Variants in CDH13 observed in about 807,000 individuals in gnomAD.
CDH13 encodes cadherin 13.
In CDH13, 24 loss-of-function variants were observed where a neutral mutation model predicts 63.8. The observed-to-expected ratio is 0.38, with a 90% confidence interval of 0.27 to 0.53. The LOEUF (loss-of-function observed/expected upper bound fraction) is 0.53. CDH13 is among the 20% of genes least tolerant of loss of function. The probability of loss-of-function intolerance (pLI) is 0.85; values close to 1 mark genes in which losing one functional copy is unlikely to be tolerated. For missense variants in CDH13, 1,049 were observed against 903.1 expected, an observed-to-expected ratio of 1.16 and a Z score of -2.07; for synonymous variants, 503 against 355.3, an observed-to-expected ratio of 1.42 and a Z score of -4.67.
chr16:83,509,449 T>A (rs1211152424), intron 7 of CDH13, among the ~76,000 whole-genome samples: 1 of 152,228 alleles, frequency 6.6e-6, no homozygotes, highest in Non-Finnish European at 1.5e-5. Context: ...AGCTTTACTT[T>A]TTTGTAGCAC....
chr16:83,585,832 A>G (rs1031182905), intron 7 of CDH13, among the ~76,000 whole-genome samples: 5 of 152,152 alleles, frequency 3.3e-5, no homozygotes, highest in African/African-American at 4.8e-5. Flanking sequence ...ACTAGTACCA[A>G]CAGGGGTTTT....
intron 5 of CDH13, among the ~76,000 whole-genome samples, chr16:83,271,437 AAAAAAAAAAAAAAAATT>A (rs1243899440): frequency 7.3e-6 from 1 of 136,664 alleles, no homozygotes; most frequent in African/African-American, 2.7e-5. Context: ...AAAAAAAAAA[AAAAAAAAAAAAAAAATT>A]CATGGTTGCT....
At chr16:82,753,448 A>G (rs8056064) in intron 1 of CDH13, among the ~76,000 whole-genome samples, 25,099 of 151,886 alleles carry the variant, frequency 0.17, 2,424 homozygotes, top group East Asian at 0.46. Flanking sequence ...TATAATGACA[A>G]CTCCTAAATC....
intron 10 of CDH13, among the ~76,000 whole-genome samples, chr16:83,747,815 G>T (rs1331452250): frequency 1.3e-5 from 2 of 150,628 alleles, no homozygotes; most frequent in African/African-American, 2.5e-5. Flanking sequence ...CAGGATTTGG[G>T]CTGTGAATTC....
chr16:83,223,835 G>T (rs1217593817), intron 5 of CDH13, among the ~76,000 whole-genome samples: 1 of 152,192 alleles, frequency 6.6e-6, no homozygotes, highest in East Asian at 1.9e-4. Flanking sequence ...TGACATGAGT[G>T]CAATTTTTTT....
chr16:83,443,735 A>AAAT (rs2072565933), intron 6 of CDH13, among the ~76,000 whole-genome samples: 2 of 20,138 alleles, frequency 9.9e-5, no homozygotes, highest in Admixed American at 7.7e-4. Flanking sequence ...AAAAAAAAAA[A>AAAT]ATATATATAT....
intron 1 of CDH13, among the ~76,000 whole-genome samples, chr16:82,786,821 A>G (rs2036039704): frequency 6.6e-6 from 1 of 152,058 alleles, no homozygotes; most frequent in Non-Finnish European, 1.5e-5. Flanking sequence ...ATGTCCCTAC[A>G]AAGGTCATGA....
intron 2 of CDH13, among the ~76,000 whole-genome samples, chr16:82,977,884 A>T (rs1909741364): frequency 6.6e-6 from 1 of 152,218 alleles, no homozygotes; most frequent in Admixed American, 6.5e-5. Flanking sequence ...AGACAGGAAG[A>T]TGTGGGAGTT....
chr16:83,381,566 A>G (rs919064688), intron 6 of CDH13, among the ~76,000 whole-genome samples: 4 of 151,860 alleles, frequency 2.6e-5, no homozygotes, highest in African/African-American at 7.3e-5. Context: ...TCTCTTCCCA[A>G]TTATTAAGCA....
chr16:83,448,025 GT>G (rs2072763433), intron 6 of CDH13, among the ~76,000 whole-genome samples: 1 of 152,150 alleles, frequency 6.6e-6, no homozygotes, highest in Admixed American at 6.5e-5. Context: ...CCTGGAGCAG[GT>G]ACTTCCAAGG....
chr16:82,929,651 CAAAAAAAAAAAA>C (rs71146097), intron 2 of CDH13, among the ~76,000 whole-genome samples: 20,376 of 43,940 alleles, frequency 0.46, 2,243 homozygotes, highest in Non-Finnish European at 0.49. Context: ...GACTCCATCT[CAAAAAAAAAAAA>C]AAAAAAAAAA....
chr16:82,840,274 C>T (rs2038949528), intron 1 of CDH13, among the ~76,000 whole-genome samples: 1 of 151,174 alleles, frequency 6.6e-6, no homozygotes, highest in African/African-American at 2.4e-5. Flanking sequence ...CTGAGGAGGG[C>T]GATGTCCTTA....
At chr16:83,207,157 T>G (rs1047528142) in intron 4 of CDH13, among the ~76,000 whole-genome samples, 1 of 152,220 alleles carries the variant, frequency 6.6e-6, no homozygotes, top group Non-Finnish European at 1.5e-5. Flanking sequence ...TACATCCACA[T>G]TATTGTGCAA....
chr16:83,772,141 TA>T (rs1914800920), intron 11 of CDH13, among the ~76,000 whole-genome samples: 1 of 152,138 alleles, frequency 6.6e-6, no homozygotes, highest in Admixed American at 6.5e-5. Context: ...TGTATACAAA[TA>T]GACTCAATAT....
At chr16:83,328,598 G>C (rs2090419491) in intron 5 of CDH13, among the ~76,000 whole-genome samples, 1 of 152,132 alleles carries the variant, frequency 6.6e-6, no homozygotes. Flanking sequence ...TACTAAGCTG[G>C]GTAAGAGATG....
intron 2 of CDH13, among the ~76,000 whole-genome samples, chr16:82,866,054 A>G (rs994556800): frequency 1.3e-5 from 2 of 152,196 alleles, no homozygotes; most frequent in Admixed American, 6.5e-5. Flanking sequence ...AAATGCCGCC[A>G]GTCTCTTTGC....
intron 2 of CDH13, among the ~76,000 whole-genome samples, chr16:83,021,191 C>T (rs1230118626): frequency 6.6e-6 from 1 of 152,142 alleles, no homozygotes; most frequent in Non-Finnish European, 1.5e-5. Context: ...GAGTTGATGC[C>T]ATCATTCTCA....
chr16:82,713,807 A>G lies in CDH13; in HGVS notation c.45+86670A>G, dbSNP rs868446904. ...CTTCTTTAGGGCTTCTGTATTTGTG[A>G]AAAAAAAAACAAACAAAAAAAAAGG... On this transcript the variant is annotated intron_variant, in intron 1 of 13. Transcript: ENST00000567109. Among the ~76,000 whole-genome samples, 24 of 84,002 alleles carry G rather than the reference A, an allele frequency of 2.9e-4. No individual in the cohort carries two copies. The East Asian group carries it at 8.7e-3, about 31-fold the overall frequency. 55.1% of individuals were successfully genotyped at this position (84,002 alleles called of 152,430 possible).
rs76229582 is a variant in CDH13, at chr16:83,159,029, A to G, written c.483+33528A>G. On this transcript the variant is annotated intron_variant, in intron 4 of 13. Coordinates refer to ENST00000567109, the MANE Select transcript of CDH13 (RefSeq NM_001257.5). Reference sequence around the variant, plus strand: ...GTTTCCAAATTTATTTTCACTCACAATTCCTACATAGTCAGACACCTTCAA... The same window carrying G: ...GTTTCCAAATTTATTTTCACTCACAGTTCCTACATAGTCAGACACCTTCAA... Among the ~76,000 whole-genome samples, 1,178 of 152,004 alleles carry G rather than the reference A, an allele frequency of 7.7e-3. 18 individuals are homozygous for G. The highest frequency in any genetic ancestry group is 0.027 in the African/African-American group (1,121 of 41,430).
Sources: allele counts gnomAD v4.1 joint callset (sites outside exome capture counted in the v4.1 genomes callset), GRCh38; gene constraint gnomAD v4.1.1; transcripts MANE v1.5; gene names NCBI Gene and HGNC (gene_info 2026-07-23, HGNC 2026-07-21).